SH3RF2: variants seen among roughly 807,000 people sequenced by gnomAD.
SH3RF2 encodes E3 ubiquitin-protein ligase SH3RF2.
Under a neutral mutation model 59.0 loss-of-function variants are expected in SH3RF2, and 43 were observed. The observed-to-expected ratio is 0.73, with a 90% CI of 0.57 to 0.94. The LOEUF is 0.94. Among genes scored for constraint, SH3RF2 ranks in the 40% least tolerant of loss-of-function variants. The pLI is 0.00. For synonymous variants in SH3RF2, 391 were observed against 391.5 expected, an observed-to-expected ratio of 1.00 and a Z score of 0.01; for missense variants, 930 against 940.1, an observed-to-expected ratio of 0.99 and a Z score of 0.14.
chr5:146,070,622 A>T (rs1763212994), intron 9 of SH3RF2, among the ~76,000 whole-genome samples: 1 of 152,182 alleles, frequency 6.6e-6, no homozygotes, highest in Non-Finnish European at 1.5e-5. Context: ...ACTCTAAATG[A>T]TACAGAGCAG....
chr5:145,967,496 G>A (rs1036591096), intron 2 of SH3RF2, among the ~76,000 whole-genome samples: 3 of 152,216 alleles, frequency 2.0e-5, no homozygotes, highest in African/African-American at 7.2e-5. Context: ...GGCATGTTGA[G>A]TTTCAGGTAA....
chr5:146,004,958 CA>C (rs1760582270), intron 4 of SH3RF2, among the ~76,000 whole-genome samples: 1 of 151,744 alleles, frequency 6.6e-6, no homozygotes, highest in South Asian at 2.1e-4. Flanking sequence ...TAAGTTGGAC[CA>C]TGTGGAACTA....
At chr5:146,040,408 A>AG (rs1328459899) in intron 5 of SH3RF2, among the ~76,000 whole-genome samples, 1 of 152,158 alleles carries the variant, frequency 6.6e-6, no homozygotes, top group Non-Finnish European at 1.5e-5. Flanking sequence ...AGTAACAGGT[A>AG]GGGGGGTGGC....
intron 4 of SH3RF2, among the ~76,000 whole-genome samples, chr5:146,013,537 G>C (rs1760988437): frequency 6.6e-6 from 1 of 152,138 alleles, no homozygotes; most frequent in South Asian, 2.1e-4. Context: ...TACTTTGCAG[G>C]AAAGTTATGA....
At chr5:145,967,823 C>G (rs1051830700) in intron 2 of SH3RF2, among the ~76,000 whole-genome samples, 1 of 151,990 alleles carries the variant, frequency 6.6e-6, no homozygotes, top group Admixed American at 6.6e-5. Flanking sequence ...CCACACCCGG[C>G]GAAGTTTTAT....
chr5:145,974,958 G>T (rs552538696), intron 2 of SH3RF2, among the ~76,000 whole-genome samples: 1 of 152,304 alleles, frequency 6.6e-6, no homozygotes, highest in South Asian at 2.1e-4. Flanking sequence ...TAGAACTGAA[G>T]CCTGTGGGAT....
rs551438325 is a variant in SH3RF2, at chr5:146,058,596, C to A, written c.1556-1270C>A. The stretch of plus-strand genomic sequence containing the variant: ...GACCCTCTGTGCTGGACACAAATGA[C>A]TTTGATTCAAACTCAAGTCCTTGGA... On this transcript the variant is annotated intron_variant, in intron 8 of 9. Coordinates refer to ENST00000359120, the MANE Select transcript of SH3RF2 (RefSeq NM_152550.4). Among the ~76,000 whole-genome samples the A allele has an allele frequency of 2.6e-5, 4 of 152,292 alleles. No individual in the cohort carries two copies. In the East Asian group the frequency reaches 7.7e-4, roughly 29 times the overall value.
intron 2 of SH3RF2, among the ~76,000 whole-genome samples, chr5:145,953,927 A>G (rs1478799937): frequency 2.0e-5 from 3 of 152,162 alleles, no homozygotes; most frequent in Non-Finnish European, 4.4e-5. Flanking sequence ...CACGGTGTAT[A>G]TATATCACAT....
At chr5:146,047,154 C>CGTGTGTGTGTGTGTGTGT (rs35750777) in intron 5 of SH3RF2, among the ~76,000 whole-genome samples, 7,444 of 148,126 alleles carry the variant, frequency 0.05, 282 homozygotes, top group African/African-American at 0.096. Flanking sequence ...ATTGGATAGG[C>CGTGTGTGTGTGTGTGTGT]GTGTGTGTGT....
intron 2 of SH3RF2, among the ~76,000 whole-genome samples, chr5:145,984,538 A>G (rs1394000042): frequency 6.6e-6 from 1 of 152,226 alleles, no homozygotes; most frequent in Non-Finnish European, 1.5e-5. Flanking sequence ...TCTATCTCAG[A>G]GTGAAAAATG....
intron 5 of SH3RF2, among the ~76,000 whole-genome samples, chr5:146,020,290 A>G (rs1761264834): frequency 6.6e-6 from 1 of 152,176 alleles, no homozygotes; most frequent in Non-Finnish European, 1.5e-5. Flanking sequence ...GTCTGCTGAC[A>G]CACACACGTG....
rs567895668 is a variant in SH3RF2 at position 145,937,565 on chromosome 5, G to A, written c.-106-258G>A. Reference sequence around the variant, plus strand: ...AGGGGTTGGGGGGCCACTTCAGCAGGCCAGTTTATCTCCCTGCTTTCCTGT... The same window carrying A: ...AGGGGTTGGGGGGCCACTTCAGCAGACCAGTTTATCTCCCTGCTTTCCTGT... On this transcript the variant is annotated intron_variant, in intron 1 of 9. Transcript: ENST00000359120. Among the ~76,000 whole-genome samples the A allele has an allele frequency of 2.6e-5, 4 of 152,218 alleles. No homozygotes were observed. In the East Asian group the frequency reaches 7.7e-4, roughly 29 times the overall value.
At chr5:146,013,681 G>A in intron 4 of SH3RF2, 66 bp from the exon 5 acceptor site, 2 of 1,578,744 alleles carry the variant, frequency 1.3e-6, no homozygotes, top group Non-Finnish European at 1.7e-6. Context: ...ATGTACATGG[G>A]TAGGAACTGG....
intron 2 of SH3RF2, among the ~76,000 whole-genome samples, chr5:145,968,991 T>C (rs960648578): frequency 1.3e-5 from 2 of 152,238 alleles, no homozygotes; most frequent in African/African-American, 2.4e-5. Flanking sequence ...TTTAATTATA[T>C]ACATTTTTTT....
At chr5:146,053,950 C>T (rs1258612156) in intron 7 of SH3RF2, among the ~76,000 whole-genome samples, 2 of 152,158 alleles carry the variant, frequency 1.3e-5, no homozygotes, top group Admixed American at 6.5e-5. Context: ...ATTGGGCCAG[C>T]TCTTAAGGGC....
At chr5:145,987,560 C>T (rs938524033) in intron 2 of SH3RF2, among the ~76,000 whole-genome samples, 1 of 152,180 alleles carries the variant, frequency 6.6e-6, no homozygotes, top group Non-Finnish European at 1.5e-5. Flanking sequence ...CTTTCCATCC[C>T]TCAAGTCTCT....
Position 146,004,249 on chromosome 5 carries a change from C to T in SH3RF2, c.744+96C>T, listed in dbSNP as rs1760542318. ...AGAGCAATTCCTATTTGCTATGAGG[C>T]TTATTTCAGAACTAACTAAAATCTC... On this transcript the variant is annotated intron_variant, in intron 4 of 9. Coordinates refer to ENST00000359120, the MANE Select transcript of SH3RF2 (RefSeq NM_152550.4). The T allele has an allele frequency of 7.4e-6, 7 of 942,574 alleles. No homozygotes were observed. In the East Asian group the frequency reaches 2.0e-4, roughly 27 times the overall value. 58.4% of individuals were successfully genotyped at this position (942,574 alleles called of 1,614,324 possible).
intron 2 of SH3RF2, among the ~76,000 whole-genome samples, chr5:145,982,533 T>C (rs771061753): frequency 1.6e-4 from 25 of 152,106 alleles, no homozygotes; most frequent in Non-Finnish European, 3.1e-4. Context: ...TATGAAGAAA[T>C]TGATATTTGG....
intron 9 of SH3RF2, among the ~76,000 whole-genome samples, chr5:146,073,070 C>T (rs1763270850): frequency 1.3e-5 from 2 of 152,204 alleles, no homozygotes; most frequent in African/African-American, 4.8e-5. Flanking sequence ...ATTATTGTCC[C>T]CTTGTCCAGG....
Sources: gnomAD v4.1 joint callset for allele counts (sites outside exome capture counted in the v4.1 genomes callset) on GRCh38, gnomAD v4.1.1 for gene constraint, MANE v1.5 for transcripts, NCBI Gene and HGNC (gene_info 2026-07-23, HGNC 2026-07-21) for gene names.